Variants in PPARGC1A observed in about 807,000 individuals in gnomAD.
The protein encoded by PPARGC1A is peroxisome proliferator-activated receptor gamma coactivator 1-alpha.
Under a neutral mutation model 88.7 loss-of-function variants are expected in PPARGC1A, and 25 were observed. The observed-to-expected ratio is 0.28, with a 90% CI of 0.21 to 0.39. The LOEUF (loss-of-function observed/expected upper bound fraction) is 0.39. Ranked by LOEUF, PPARGC1A falls within the 10% of genes least tolerant of loss-of-function variation. PPARGC1A has a pLI of 1.00. For missense variants in PPARGC1A, 880 were observed against 968.7 expected, an observed-to-expected ratio of 0.91 and a Z score of 1.22; for synonymous variants, 363 against 355.6, an observed-to-expected ratio of 1.02 and a Z score of -0.24.
At chr4:24,000,092 T>C in the PPARGC1A span, among the ~76,000 whole-genome samples, 1 of 152,094 alleles carries the variant, frequency 6.6e-6, no homozygotes, top group Non-Finnish European at 1.5e-5. Flanking sequence ...CCTTTATTCT[T>C]TTCATTTTCC....
chr4:24,321,806 T>A, the PPARGC1A span, among the ~76,000 whole-genome samples: 1 of 152,230 alleles, frequency 6.6e-6, no homozygotes, highest in Non-Finnish European at 1.5e-5. Flanking sequence ...TTCTTTCCAA[T>A]TCAAATGAAA....
chr4:23,920,272 G>A, the PPARGC1A span, among the ~76,000 whole-genome samples: 2 of 152,218 alleles, frequency 1.3e-5, no homozygotes, highest in Non-Finnish European at 2.9e-5. Context: ...ACTGTATTCT[G>A]CCATGGCAGG....
At chr4:24,422,429 T>C in the PPARGC1A span, among the ~76,000 whole-genome samples, 3 of 152,186 alleles carry the variant, frequency 2.0e-5, no homozygotes, top group Non-Finnish European at 4.4e-5. Context: ...GGCCTCCATT[T>C]CCATTTCAGA....
At chr4:23,921,750 T>C in the PPARGC1A span, among the ~76,000 whole-genome samples, 1 of 152,174 alleles carries the variant, frequency 6.6e-6, no homozygotes, top group Non-Finnish European at 1.5e-5. Context: ...AGTTGGGAGT[T>C]GGAAATTATT....
chr4:24,104,202 A>G, the PPARGC1A span, among the ~76,000 whole-genome samples: 1 of 152,216 alleles, frequency 6.6e-6, no homozygotes, highest in Non-Finnish European at 1.5e-5. Flanking sequence ...CCTTAACAGT[A>G]GAGTGGGCGC....
the PPARGC1A span, among the ~76,000 whole-genome samples, chr4:23,954,884 T>C: frequency 6.6e-6 from 1 of 152,032 alleles, no homozygotes. Context: ...AATATTATAT[T>C]CACAACCAGG....
the PPARGC1A span, among the ~76,000 whole-genome samples, chr4:24,453,821 T>C: frequency 6.8e-6 from 1 of 147,312 alleles, no homozygotes; most frequent in Admixed American, 6.7e-5. Context: ...CCCACTCCCA[T>C]CCCTTCACCC....
chr4:24,233,595 C>T, the PPARGC1A span, among the ~76,000 whole-genome samples: 1 of 18,700 alleles, frequency 5.3e-5, no homozygotes, highest in South Asian at 1.9e-3. Context: ...TACACACACA[C>T]ACACACACAC....
At chr4:24,298,559 G>A in the PPARGC1A span, among the ~76,000 whole-genome samples, 1 of 152,114 alleles carries the variant, frequency 6.6e-6, no homozygotes, top group African/African-American at 2.4e-5. Context: ...AGTTGTTACT[G>A]CAGCGTAACC....
the PPARGC1A span, among the ~76,000 whole-genome samples, chr4:24,204,935 GT>G: frequency 6.6e-6 from 1 of 152,064 alleles, no homozygotes; most frequent in Non-Finnish European, 1.5e-5. Context: ...GCAATTCTCA[GT>G]TTCAGTCTCC....
chr4:23,891,684 G>A (rs1367290128), upstream of PPARGC1A, among the ~76,000 whole-genome samples: 1 of 152,124 alleles, frequency 6.6e-6, no homozygotes, highest in African/African-American at 2.4e-5. Context: ...ATAAAAAGGT[G>A]GCCAAGAGCT....
chr4:24,008,252 G>T, the PPARGC1A span, among the ~76,000 whole-genome samples: 2 of 152,152 alleles, frequency 1.3e-5, no homozygotes, highest in Admixed American at 1.3e-4. Flanking sequence ...ATGCACTGAA[G>T]ATCTCGCAAC....
chr4:24,254,912 T>C, the PPARGC1A span, among the ~76,000 whole-genome samples: 39,865 of 152,138 alleles, frequency 0.26, 5,594 homozygotes, highest in East Asian at 0.44. Context: ...CTGTCCATTT[T>C]TCAGGGATTA....
the PPARGC1A span, among the ~76,000 whole-genome samples, chr4:24,116,996 C>A: frequency 6.6e-6 from 1 of 151,764 alleles, no homozygotes; most frequent in Non-Finnish European, 1.5e-5. Flanking sequence ...AAAACAACAA[C>A]CACAACAACA....
At chr4:24,162,894 C>A in the PPARGC1A span, among the ~76,000 whole-genome samples, 1 of 151,832 alleles carries the variant, frequency 6.6e-6, no homozygotes, top group Non-Finnish European at 1.5e-5. Context: ...ACACCTGGCC[C>A]TTACTTCCTT....
intron 2 of PPARGC1A, chr4:23,882,615 G>A (rs1427362615): frequency 1.3e-5 from 2 of 152,050 alleles, no homozygotes; most frequent in African/African-American, 2.4e-5. Flanking sequence ...GACCAAAATC[G>A]CCTTTGGTTG....
chr4:24,375,667 ATAAT>A, the PPARGC1A span, among the ~76,000 whole-genome samples: 1 of 152,158 alleles, frequency 6.6e-6, no homozygotes, highest in African/African-American at 2.4e-5. Flanking sequence ...TGTGAGGGGA[ATAAT>A]TAAAGCTAGC....
At chr4:24,339,034 A>G in the PPARGC1A span, among the ~76,000 whole-genome samples, 2 of 151,986 alleles carry the variant, frequency 1.3e-5, no homozygotes, top group African/African-American at 4.8e-5. Flanking sequence ...CCACTAAAAA[A>G]TAAATTGCTA....
chr4:24,212,370 G>A, the PPARGC1A span, among the ~76,000 whole-genome samples: 1 of 152,246 alleles, frequency 6.6e-6, no homozygotes, highest in South Asian at 2.1e-4. Flanking sequence ...TTGGTAATAG[G>A]CAGATTAAAG....
Sources: gnomAD v4.1 joint callset for allele counts (sites outside exome capture counted in the v4.1 genomes callset) on GRCh38, gnomAD v4.1.1 for gene constraint, MANE v1.5 for transcripts, NCBI Gene and HGNC (gene_info 2026-07-23, HGNC 2026-07-21) for gene names.